Variants in DOCK3 observed in about 807,000 individuals in gnomAD.
The protein encoded by DOCK3 is dedicator of cytokinesis protein 3.
In DOCK3, 60 loss-of-function variants were observed where a neutral mutation model predicts 265.6. That is an observed-to-expected ratio of 0.23 (90% confidence interval 0.18 to 0.28). The LOEUF (loss-of-function observed/expected upper bound fraction) is 0.28, where lower values mean the gene tolerates loss of function less well. Ranked by LOEUF, DOCK3 falls within the 10% of genes least tolerant of loss-of-function variation. The pLI is 1.00. For synonymous variants in DOCK3, 881 were observed against 938.0 expected (o/e 0.94, Z 1.11); for missense variants, 1,981 against 2,594.3 (o/e 0.76, Z 5.14).
At chr3:51,168,456 A>G (rs568368912) in intron 12 of DOCK3, among the ~76,000 whole-genome samples, 1 of 152,256 alleles carries the variant, frequency 6.6e-6, no homozygotes, top group East Asian at 1.9e-4. Flanking sequence ...CAACAATCTG[A>G]TCTTCAACAA....
At chr3:50,983,549 C>T (rs1328202054) in intron 5 of DOCK3, among the ~76,000 whole-genome samples, 1 of 152,112 alleles carries the variant, frequency 6.6e-6, no homozygotes. Flanking sequence ...TCAGGATAGC[C>T]TGCCTAGCAG....
intron 23 of DOCK3, among the ~76,000 whole-genome samples, chr3:51,268,926 G>A (rs1038028031): frequency 6.6e-6 from 1 of 152,066 alleles, no homozygotes; most frequent in African/African-American, 2.4e-5. Flanking sequence ...AGCTAGCAAA[G>A]CAATGCAGAT....
At chr3:51,051,154 A>G (rs1039656965) in intron 5 of DOCK3, among the ~76,000 whole-genome samples, 8 of 152,238 alleles carry the variant, frequency 5.3e-5, no homozygotes, top group African/African-American at 1.9e-4. Context: ...GAATTTCTTT[A>G]TATAAAGTTT....
chr3:51,181,477 T>C (rs192399627), intron 12 of DOCK3, among the ~76,000 whole-genome samples: 114 of 152,182 alleles, frequency 7.5e-4, no homozygotes, highest in African/African-American at 2.7e-3. Flanking sequence ...TCATCCTTTT[T>C]TATGGCTGCA....
intron 7 of DOCK3, among the ~76,000 whole-genome samples, chr3:51,088,103 T>C (rs1227014004): frequency 6.6e-6 from 1 of 152,174 alleles, no homozygotes; most frequent in Non-Finnish European, 1.5e-5. Flanking sequence ...TGTAGCAGCA[T>C]GGATGGAACT....
intron 9 of DOCK3, among the ~76,000 whole-genome samples, chr3:51,098,003 T>C (rs4464493): frequency 0.9 from 137,143 of 152,182 alleles, 61,991 homozygotes; most frequent in African/African-American, 0.95. Flanking sequence ...GCAGAAATCA[T>C]CTGCCTTCTG....
At chr3:51,278,277 T>A (rs1194925198) in intron 26 of DOCK3, 4 of 985,294 alleles carry the variant, frequency 4.1e-6, no homozygotes, top group Non-Finnish European at 4.8e-6. Flanking sequence ...GATTTTTCTG[T>A]GATCTAATTA....
chr3:51,017,499 T>C (rs1258368673), intron 5 of DOCK3, among the ~76,000 whole-genome samples: 2 of 151,888 alleles, frequency 1.3e-5, no homozygotes, highest in Non-Finnish European at 2.9e-5. Context: ...TACTTGTAGC[T>C]ATAAATGTTC....
chr3:51,255,820 G>A (rs2079515756), intron 22 of DOCK3, among the ~76,000 whole-genome samples: 1 of 152,142 alleles, frequency 6.6e-6, no homozygotes, highest in South Asian at 2.1e-4. Flanking sequence ...TCCTCCTTTA[G>A]CTCGGAGAAG....
chr3:51,094,013 G>A (rs937387957), intron 9 of DOCK3, among the ~76,000 whole-genome samples: 1 of 152,200 alleles, frequency 6.6e-6, no homozygotes, highest in South Asian at 2.1e-4. Flanking sequence ...TCCCAGGGAT[G>A]AAGCCAACTT....
chr3:51,287,972 C>A (rs2081505037), intron 27 of DOCK3, among the ~76,000 whole-genome samples: 1 of 152,230 alleles, frequency 6.6e-6, no homozygotes, highest in Non-Finnish European at 1.5e-5. Context: ...AGAACGAGAT[C>A]ATGTCCTTTG....
chr3:51,043,280 C>G (rs4336150), intron 5 of DOCK3, among the ~76,000 whole-genome samples: 125,234 of 152,028 alleles, frequency 0.82, 52,215 homozygotes, highest in East Asian at 0.95. Context: ...GAAATAAGAC[C>G]GCACACCTAC....
At chr3:51,214,020 T>C in intron 13 of DOCK3, 102 bp from the exon 14 acceptor site, 1 of 1,516,946 alleles carries the variant, frequency 6.6e-7, no homozygotes, top group Non-Finnish European at 8.9e-7. Context: ...AGAATTTTGC[T>C]GAACTTTGCA....
At chr3:51,041,196 A>C (rs1469844909) in intron 5 of DOCK3, among the ~76,000 whole-genome samples, 1 of 14,522 alleles carries the variant, frequency 6.9e-5, no homozygotes, top group Non-Finnish European at 1.0e-4. Flanking sequence ...ATATATATAT[A>C]TATATATATT....
chr3:51,339,114 G>A lies in DOCK3; in HGVS notation c.3766+86G>A, dbSNP rs1180483432. 6.0e-6 allele frequency: 7 copies of A among 1,171,016 alleles called. No homozygotes were observed. The Middle Eastern group carries it at 1.0e-3, about 167-fold the overall frequency. 72.5% of individuals were successfully genotyped at this position (1,171,016 alleles called of 1,614,324 possible). On this transcript the variant is annotated intron_variant, in intron 37 of 52. Transcript: ENST00000266037. ...AATAGGCAGAGAAAGGCTTCAGGCT[G>A]GTGCCTGCCAGATCTCAGCAGAATG...
At chr3:51,276,780 A>G (rs1270890642) in intron 25 of DOCK3, among the ~76,000 whole-genome samples, 1 of 152,206 alleles carries the variant, frequency 6.6e-6, no homozygotes, top group Non-Finnish European at 1.5e-5. Flanking sequence ...TGGGTGAAAG[A>G]TAGACACCAG....
intron 2 of DOCK3, among the ~76,000 whole-genome samples, chr3:50,816,971 C>T (rs142388248): frequency 1.2e-3 from 187 of 152,126 alleles, no homozygotes; most frequent in African/African-American, 3.5e-3. Context: ...TCCATAGACT[C>T]GCCCTAAAGT....
At chr3:51,248,538 C>G (rs1384132477) in intron 22 of DOCK3, among the ~76,000 whole-genome samples, 1 of 152,132 alleles carries the variant, frequency 6.6e-6, no homozygotes. Flanking sequence ...GATCTCGGCT[C>G]GCTACAACCT....
chr3:51,284,668 GCAAA>G (rs538060395), intron 27 of DOCK3, among the ~76,000 whole-genome samples: 4 of 152,128 alleles, frequency 2.6e-5, no homozygotes, highest in Non-Finnish European at 5.9e-5. Flanking sequence ...AGCTAATGGA[GCAAA>G]CAAACAATAA....
Sources: allele counts gnomAD v4.1 joint callset (sites outside exome capture counted in the v4.1 genomes callset), GRCh38; gene constraint gnomAD v4.1.1; transcripts MANE v1.5; gene names NCBI Gene and HGNC (gene_info 2026-07-23, HGNC 2026-07-21).